MKRN1: variants seen among roughly 807,000 people sequenced by gnomAD.
MKRN1 encodes E3 ubiquitin-protein ligase makorin-1.
A neutral mutation model predicts 55.5 loss-of-function variants in MKRN1; 9 were observed. That is an observed-to-expected ratio of 0.16 (90% CI 0.10 to 0.28). The LOEUF is 0.28. Ranked by LOEUF, MKRN1 falls within the 10% of genes least tolerant of loss-of-function variation. MKRN1 has a pLI of 1.00. For missense variants in MKRN1, 488 were observed against 626.7 expected, an observed-to-expected ratio of 0.78 and a Z score of 2.36; for synonymous variants, 253 against 235.9, an observed-to-expected ratio of 1.07 and a Z score of -0.66.
At chr7:140,477,427 C>T (rs1430081365) in intron 1 of MKRN1, among the ~76,000 whole-genome samples, 1 of 152,018 alleles carries the variant, frequency 6.6e-6, no homozygotes, top group African/African-American at 2.4e-5. Flanking sequence ...GTTCAAGCAA[C>T]TCCCTGCCTC....
At chr7:140,467,520 C>T (rs964732555) in intron 2 of MKRN1, among the ~76,000 whole-genome samples, 3 of 151,954 alleles carry the variant, frequency 2.0e-5, no homozygotes, top group African/African-American at 4.8e-5. Context: ...TCAAGTGATC[C>T]GCCCACCTCA....
chr7:140,465,093 A>T lies in MKRN1; in HGVS notation c.315-5157T>A, dbSNP rs555525416. 1.3e-4 allele frequency among the ~76,000 whole-genome samples: 20 copies of T among 152,304 alleles called. No homozygotes were observed. The South Asian group carries it at 4.1e-3, about 32-fold the overall frequency. On this transcript the variant is annotated intron_variant, in intron 2 of 7. Coordinates refer to ENST00000255977, the MANE Select transcript of MKRN1 (RefSeq NM_013446.4). The stretch of plus-strand genomic sequence containing the variant: ...TTTTCTGTCTCTGTAAGAGAAAATA[A>T]CCCTTTCCCTGGTTGGTTTACAACT...
chr7:140,469,902 G>A (rs966333782), intron 2 of MKRN1, among the ~76,000 whole-genome samples: 2 of 151,980 alleles, frequency 1.3e-5, no homozygotes, highest in Non-Finnish European at 2.9e-5. Flanking sequence ...ACAAAAATTA[G>A]CTGAGTGTGG....
In MKRN1 at chr7:140,474,058, AAAGAAAG is replaced by A. The variant is rs1795039390; in HGVS notation, c.186-2054_186-2048del. Among the ~76,000 whole-genome samples, 3 of 136,954 alleles carry A rather than the reference AAAGAAAG, an allele frequency of 2.2e-5. No individual in the cohort carries two copies. In the South Asian group the frequency reaches 6.8e-4, roughly 31 times the overall value. The allele number at this position is 136,954 out of a possible 152,430, so 89.8% of individuals were successfully genotyped here. Reference sequence around the variant, plus strand: ...GAAAGAAAGAAAGAAAGAAAGAAAGAAAGAAAGAATAAAAGACTGTAGGGTGGGCCCG... The same window carrying A: ...GAAAGAAAGAAAGAAAGAAAGAAAGAAATAAAAGACTGTAGGGTGGGCCCG... On this transcript the variant is annotated intron_variant, in intron 1 of 7. Transcript: ENST00000255977.
chr7:140,475,346 A>G (rs1478241613), intron 1 of MKRN1: 2 of 298,600 alleles, frequency 6.7e-6, no homozygotes, highest in Middle Eastern at 3.9e-4. Flanking sequence ...CTCAGAAAAC[A>G]AACAAACAAA....
intron 5 of MKRN1, chr7:140,456,140 CTT>C (rs1794460151): frequency 9.6e-7 from 1 of 1,040,092 alleles, no homozygotes; most frequent in African/African-American, 1.7e-5. Context: ...AAAAATATAA[CTT>C]AGGTAAAAAA....
At chr7:140,464,982 T>C (rs1794728810) in intron 2 of MKRN1, among the ~76,000 whole-genome samples, 1 of 152,128 alleles carries the variant, frequency 6.6e-6, no homozygotes, top group African/African-American at 2.4e-5. Context: ...GTACGTAGTT[T>C]TGCCATGTTG....
At chr7:140,462,672 T>C (rs1969394) in intron 2 of MKRN1, among the ~76,000 whole-genome samples, 41,198 of 151,820 alleles carry the variant, frequency 0.27, 9,514 homozygotes, top group African/African-American at 0.64. Context: ...CTACTAAAAA[T>C]AAAAAAATTA....
At chr7:140,458,182 T>A (rs1461721539) in intron 4 of MKRN1, among the ~76,000 whole-genome samples, 1 of 152,164 alleles carries the variant, frequency 6.6e-6, no homozygotes, top group Non-Finnish European at 1.5e-5. Flanking sequence ...ACGGAAAACA[T>A]ATCTTCACAG....
upstream of MKRN1, chr7:140,479,547 C>G (rs1795231820): frequency 2.2e-6 from 1 of 460,324 alleles, no homozygotes; most frequent in Non-Finnish European, 3.6e-6. Flanking sequence ...GCCCGCGGCC[C>G]GCCCACGGCG....
intron 2 of MKRN1, among the ~76,000 whole-genome samples, chr7:140,469,365 A>AC (rs1301245672): frequency 6.6e-6 from 1 of 151,996 alleles, no homozygotes; most frequent in African/African-American, 2.4e-5. Context: ...CAAAAGTCTT[A>AC]CCGAGGGTAG....
At chr7:140,459,579 T>G in intron 3 of MKRN1, 128 bp downstream of exon 3, 2 of 881,460 alleles carry the variant, frequency 2.3e-6, no homozygotes, top group Non-Finnish European at 1.7e-6. Flanking sequence ...TAATCCAAAT[T>G]AAAGTACTGT....
intron 1 of MKRN1, among the ~76,000 whole-genome samples, chr7:140,472,815 A>G (rs1198464672): frequency 3.3e-5 from 5 of 151,796 alleles, no homozygotes. Flanking sequence ...TTTAACTTAC[A>G]TAACAAAAAG....
At chr7:140,455,721 C>T (rs1029817908) in intron 6 of MKRN1, 69 bp downstream of exon 6, 5 of 1,263,894 alleles carry the variant, frequency 4.0e-6, no homozygotes, top group South Asian at 2.4e-5. Context: ...TAATGCAGCA[C>T]CATTCTTTTC....
At chr7:140,469,796 T>C (rs1288556400) in intron 2 of MKRN1, among the ~76,000 whole-genome samples, 1 of 151,844 alleles carries the variant, frequency 6.6e-6, no homozygotes, top group African/African-American at 2.4e-5. Context: ...CGGTGGCTCA[T>C]GCCTACAATC....
At chr7:140,463,844 G>A (rs1485561727) in intron 2 of MKRN1, among the ~76,000 whole-genome samples, 7 of 151,814 alleles carry the variant, frequency 4.6e-5, no homozygotes, top group Non-Finnish European at 1.0e-4. Context: ...AGCTGAGATC[G>A]CGCCACTGCA....
chr7:140,459,865 G>C lies in MKRN1; in HGVS notation c.386C>G (p.Ala129Gly), dbSNP rs1335984362. The C allele has an allele frequency of 1.9e-6, 3 of 1,613,862 alleles. No individual in the cohort carries two copies. The highest frequency in any genetic ancestry group is 1.3e-5 in the African/African-American group (1 of 74,920). The change falls in exon 3 of 8, where the codon GCT becomes GGT. Residue 129 changes from alanine to glycine, a missense_variant. Ala to Gly is a moderately conservative substitution (Grantham distance 60). Coordinates refer to ENST00000255977, the MANE Select transcript of MKRN1 (RefSeq NM_013446.4). ...TATCGATGAGAGACTTGAGGAAGCA[G>C]CAAGGGATGACTTTGTAGTTAGCTC... ...ATELTTKSSL[A>G]ASSSLSSIVG...
chr7:140,479,056 C>T, intron 1 of MKRN1, 104 bp downstream of exon 1: 6 of 1,217,594 alleles, frequency 4.9e-6, no homozygotes, highest in Non-Finnish European at 5.1e-6. Context: ...TCCCCGCCCT[C>T]CCGCGCCTCT....
At chr7:140,454,878 G>A (rs1794423563) in intron 7 of MKRN1, 149 bp from the exon 8 acceptor site, 1 of 1,042,414 alleles carries the variant, frequency 9.6e-7, no homozygotes, top group Non-Finnish European at 1.4e-6. Flanking sequence ...CTCCCCTCTG[G>A]TTACTTCATG....
Sources: gnomAD v4.1 joint callset for allele counts (sites outside exome capture counted in the v4.1 genomes callset) on GRCh38, gnomAD v4.1.1 for gene constraint, MANE v1.5 for transcripts, NCBI Gene and HGNC (gene_info 2026-07-23, HGNC 2026-07-21) for gene names.